Variants in SLIT1 observed in about 807,000 individuals in gnomAD.
SLIT1 encodes slit guidance ligand 1.
SLIT1 carries 66 observed loss-of-function variants against 186.1 expected under a neutral mutation model. The ratio of observed to expected loss-of-function variants is 0.35; its 90% CI spans 0.29 to 0.44. The LOEUF (loss-of-function observed/expected upper bound fraction) is 0.44. Among genes scored for constraint, SLIT1 ranks in the 20% least tolerant of loss-of-function variants. SLIT1 has a pLI of 1.00. For synonymous variants in SLIT1, 761 were observed against 833.8 expected, an observed-to-expected ratio of 0.91 and a Z score of 1.50; for missense variants, 1,638 against 2,037.4, an observed-to-expected ratio of 0.80 and a Z score of 3.77.
At chr10:97,174,603 T>G (rs1850232663) in intron 1 of SLIT1, among the ~76,000 whole-genome samples, 1 of 152,186 alleles carries the variant, frequency 6.6e-6, no homozygotes, top group African/African-American at 2.4e-5. Flanking sequence ...ACTCCACCCT[T>G]GCGCCTGGGC....
At chr10:97,025,307 A>G (rs1848535183) in intron 25 of SLIT1, among the ~76,000 whole-genome samples, 1 of 152,184 alleles carries the variant, frequency 6.6e-6, no homozygotes, top group African/African-American at 2.4e-5. Context: ...CAAAAAAACA[A>G]AAAACGACAA....
At chr10:97,121,033 G>A (rs1849556242) in intron 4 of SLIT1, among the ~76,000 whole-genome samples, 1 of 152,122 alleles carries the variant, frequency 6.6e-6, no homozygotes, top group African/African-American at 2.4e-5. Flanking sequence ...TCCCTGGCCT[G>A]GAAGTGCCAG....
At chr10:97,020,784 C>G (rs1412054923) in intron 26 of SLIT1, among the ~76,000 whole-genome samples, 1 of 152,252 alleles carries the variant, frequency 6.6e-6, no homozygotes, top group Non-Finnish European at 1.5e-5. Flanking sequence ...TTTACAAATG[C>G]CCACAGTGGA....
At chr10:97,049,139 A>G in intron 13 of SLIT1, 21 bp from the exon 14 acceptor site, 1 of 1,607,358 alleles carries the variant, frequency 6.2e-7, no homozygotes, top group Non-Finnish European at 8.5e-7. Context: ...CAGGCAGATC[A>G]GCTATGAGAA....
At chr10:97,009,417 G>T (rs1404021924) in intron 31 of SLIT1, among the ~76,000 whole-genome samples, 1 of 152,182 alleles carries the variant, frequency 6.6e-6, no homozygotes, top group Admixed American at 6.5e-5. Context: ...AATAGTGCTA[G>T]TACAACTGTA....
chr10:97,148,668 T>C lies in SLIT1; in HGVS notation c.413+9150A>G, dbSNP rs570163506. ...AAACTAAATCCCTTATCTCCTATCA[T>C]TCTTTGCTTTTCGCTATTTTTCAAA... is the stretch of plus-strand genomic sequence containing the variant. On this transcript the variant is annotated intron_variant, in intron 4 of 36. Transcript: ENST00000266058. Among the ~76,000 whole-genome samples, 6 of 152,352 alleles carry C rather than the reference T, an allele frequency of 3.9e-5. 1 individual carries two copies. In the South Asian group the frequency reaches 1.2e-3, roughly 32 times the overall value.
At chr10:97,145,786 G>T (rs527481747) in intron 4 of SLIT1, among the ~76,000 whole-genome samples, 1 of 152,138 alleles carries the variant, frequency 6.6e-6, no homozygotes, top group Admixed American at 6.5e-5. Flanking sequence ...CAAAGATAAG[G>T]CTTCTCCAAG....
intron 4 of SLIT1, among the ~76,000 whole-genome samples, chr10:97,144,624 G>T (rs780133987): frequency 6.6e-6 from 1 of 152,102 alleles, no homozygotes; most frequent in Non-Finnish European, 1.5e-5. Flanking sequence ...GGCAGGCCCC[G>T]CTAAGTCAGA....
chr10:97,155,273 T>C (rs1849934545), intron 4 of SLIT1: 1 of 152,378 alleles, frequency 6.6e-6, no homozygotes, highest in African/African-American at 2.4e-5. Context: ...CCCTTGACTT[T>C]CTGCTTCCCA....
chr10:97,108,187 A>C (rs1378038963), intron 4 of SLIT1, among the ~76,000 whole-genome samples: 1 of 151,946 alleles, frequency 6.6e-6, no homozygotes, highest in Non-Finnish European at 1.5e-5. Flanking sequence ...CCCTGTGGGC[A>C]CCTCTGTGAG....
At position 97,060,247 on chromosome 10, in the gene SLIT1, C is replaced by A. The variant is rs1848879944; in HGVS notation, c.942-89G>T. The stretch of plus-strand genomic sequence containing the variant: ...GCTGGGCTCACCTGCCCTGAATAAT[C>A]CTTTGGCCCCTCTTGCCCCTGCTCC... On this transcript the variant is annotated intron_variant, in intron 9 of 36. Coordinates refer to ENST00000266058, the MANE Select transcript of SLIT1 (RefSeq NM_003061.3). The A allele has an allele frequency of 7.4e-6, 8 of 1,075,324 alleles. No homozygotes were observed. In the Admixed American group the frequency reaches 1.4e-4, roughly 19 times the overall value. The allele number at this position is 1,075,324 out of a possible 1,614,324, so 66.6% of individuals were successfully genotyped here. A position where few individuals can be genotyped will look rare whatever the true frequency, so the allele number is the denominator to read the frequency against.
chr10:97,034,727 T>C (rs1848623131), intron 22 of SLIT1, among the ~76,000 whole-genome samples, 185 bp from the exon 23 acceptor site: 1 of 152,128 alleles, frequency 6.6e-6, no homozygotes, highest in South Asian at 2.1e-4. Context: ...GCTGCGCTGC[T>C]CCCTCAACTC....
chr10:97,156,629 T>C (rs1589414509), intron 4 of SLIT1, among the ~76,000 whole-genome samples: 2 of 152,210 alleles, frequency 1.3e-5, no homozygotes, highest in South Asian at 4.2e-4. Context: ...ATTCTGGAGA[T>C]CACTGGGCTT....
intron 20 of SLIT1, among the ~76,000 whole-genome samples, chr10:97,040,414 C>T (rs1316564975): frequency 6.6e-6 from 1 of 152,126 alleles, no homozygotes; most frequent in Non-Finnish European, 1.5e-5. Flanking sequence ...CCATCCCATC[C>T]CCGGAGTGCC....
chr10:97,148,664 A>G (rs1474001082), intron 4 of SLIT1, among the ~76,000 whole-genome samples: 3 of 152,100 alleles, frequency 2.0e-5, no homozygotes, highest in Non-Finnish European at 2.9e-5. Context: ...CTTATCTCCT[A>G]TCATTCTTTG....
chr10:97,034,613 C>T (rs1848622152), intron 22 of SLIT1, 71 bp from the exon 23 acceptor site: 9 of 1,357,140 alleles, frequency 6.6e-6, no homozygotes, highest in Non-Finnish European at 9.5e-6. Flanking sequence ...CGGGCTTCTT[C>T]CCCTCCCTCA....
Position 97,163,395 on chromosome 10 carries a change from T to C in SLIT1, c.326A>G (p.Lys109Arg), listed in dbSNP as rs1443674587. The change falls in exon 3 of 37, where the codon AAG becomes AGG. Residue 109 changes from lysine (K) to arginine (R), a missense_variant. By Grantham distance (26) the Lys-to-Arg change is conservative. This residue lies in a region of SLIT1 where 1,245 missense variants were observed against 1,535.3 expected (regional missense o/e 0.81). Transcript: ENST00000266058. ...AVERGAFDDM[K>R]ELERLRLNRN... Reference sequence around the variant, plus strand: ...CAGGACTCACAGCCGCTCCAGCTCCTTCATGTCATCAAAAGCACCACGTTC... The same window carrying C: ...CAGGACTCACAGCCGCTCCAGCTCCCTCATGTCATCAAAAGCACCACGTTC... The C allele has an allele frequency of 3.7e-6, 6 of 1,614,138 alleles. No homozygotes were observed. The highest frequency in any genetic ancestry group is 5.1e-6 in the Non-Finnish European group (6 of 1,179,980).
intron 16 of SLIT1, 134 bp downstream of exon 16, chr10:97,047,556 T>G: frequency 2.3e-6 from 2 of 855,138 alleles, no homozygotes; most frequent in Admixed American, 2.2e-5. Context: ...AAGCCAGCAG[T>G]TGGTATGTCC....
intron 4 of SLIT1, chr10:97,154,846 A>G (rs1169075170): frequency 6.6e-6 from 1 of 152,240 alleles, no homozygotes; most frequent in Non-Finnish European, 1.5e-5. Flanking sequence ...TGGCTATTTA[A>G]TACTCATTAA....
Sources: gnomAD v4.1 joint callset for allele counts (sites outside exome capture counted in the v4.1 genomes callset) on GRCh38, gnomAD v4.1.1 for gene constraint, gnomAD v4.1.1 regional missense constraint, MANE v1.5 for transcripts, NCBI Gene and HGNC (gene_info 2026-07-23, HGNC 2026-07-21) for gene names.